NCR1: variants seen among roughly 807,000 people sequenced by gnomAD.
NCR1 encodes the protein natural cytotoxicity triggering receptor 1, also known as NK cell-activating receptor.
In NCR1, 30 loss-of-function variants were observed where a neutral mutation model predicts 32.5. The ratio of observed to expected loss-of-function variants is 0.92; its 90% CI spans 0.69 to 1.25. The LOEUF is 1.25. Among genes scored for constraint, NCR1 ranks in the 50% most tolerant of loss-of-function variants. The probability of loss-of-function intolerance (pLI) is 0.00; values close to 1 mark genes in which losing one functional copy is unlikely to be tolerated. For synonymous variants in NCR1, 169 were observed against 143.4 expected, an observed-to-expected ratio of 1.18 and a Z score of -1.28; for missense variants, 369 against 380.7, an observed-to-expected ratio of 0.97 and a Z score of 0.26.
Position 54,909,531 on chromosome 19 carries a change from A to G in NCR1, c.634+8A>G. ...TGAAGCTCCTGGTCACAGGTGAGGA[A>G]ATGCTCAATTCCCCACACCCTTCGC... On this transcript the variant is annotated splice_region_variant and intron_variant, in intron 4 of 6. Coordinates refer to ENST00000291890, the MANE Select transcript of NCR1 (RefSeq NM_004829.7). 6.3e-7 allele frequency: 1 copy of G among 1,599,790 alleles called. No homozygotes were observed. Among genetic ancestry groups the G allele is most frequent in the Non-Finnish European group, 8.5e-7 (1 of 1,177,710 alleles).
downstream of NCR1, among the ~76,000 whole-genome samples, chr19:54,919,031 A>G (rs1305762523): frequency 2.6e-5 from 4 of 152,038 alleles, no homozygotes; most frequent in Non-Finnish European, 4.4e-5. Flanking sequence ...TCCTGTTAGA[A>G]TAATGGCCTC....
intron 3 of NCR1, among the ~76,000 whole-genome samples, chr19:54,907,991 T>A (rs139123108): frequency 0.056 from 8,525 of 152,134 alleles, 304 homozygotes; most frequent in Middle Eastern, 0.12. Flanking sequence ...CTTTTTTTTT[T>A]AATTTTTTTA....
At chr19:54,900,278 AAG>A in the NCR1 span, among the ~76,000 whole-genome samples, 1 of 152,128 alleles carries the variant, frequency 6.6e-6, no homozygotes, top group Non-Finnish European at 1.5e-5. Context: ...TGAGTCCAGA[AAG>A]AGAGTCAGCA....
the NCR1 span, among the ~76,000 whole-genome samples, chr19:54,926,793 G>A: frequency 2.0e-5 from 3 of 151,746 alleles, no homozygotes; most frequent in South Asian, 6.2e-4. Flanking sequence ...GCGAGCGACT[G>A]TAATCCTAGC....
At chr19:54,908,622 C>T (rs1332512749) in intron 3 of NCR1, among the ~76,000 whole-genome samples, 1 of 151,450 alleles carries the variant, frequency 6.6e-6, no homozygotes, top group Non-Finnish European at 1.5e-5. Flanking sequence ...GGGCTGCCCC[C>T]CAACCTCCCG....
downstream of NCR1, among the ~76,000 whole-genome samples, chr19:54,920,883 C>T (rs2068232332): frequency 2.0e-5 from 3 of 151,708 alleles, no homozygotes; most frequent in Admixed American, 6.6e-5. Flanking sequence ...AGGCGGGTGG[C>T]TCACCTGAGG....
At chr19:54,933,264 T>C in the NCR1 span, among the ~76,000 whole-genome samples, 2 of 151,998 alleles carry the variant, frequency 1.3e-5, no homozygotes, top group Non-Finnish European at 2.9e-5. Context: ...TCCTGTCTCA[T>C]CCTCCCAAGT....
intron 2 of NCR1, 40 bp from the exon 3 acceptor site, chr19:54,906,483 G>A: frequency 6.3e-7 from 1 of 1,599,296 alleles, no homozygotes; most frequent in Non-Finnish European, 8.5e-7. Context: ...GTTGGGGGGA[G>A]GGGGCTCCGC....
intron 5 of NCR1, among the ~76,000 whole-genome samples, chr19:54,911,774 C>G (rs2067988544): frequency 6.6e-6 from 1 of 151,522 alleles, no homozygotes. Flanking sequence ...GGCAGGTCAT[C>G]TGAGGTTGGG....
At chr19:54,912,661 C>T in intron 6 of NCR1, 29 bp from the exon 7 acceptor site, 2 of 1,209,058 alleles carry the variant, frequency 1.7e-6, no homozygotes, top group Non-Finnish European at 2.4e-6. Context: ...ACATCCCTGT[C>T]AGCGATCACC....
At chr19:54,936,227 A>G in the NCR1 span, 362,321 of 1,590,922 alleles carry the variant, frequency 0.23, 42,190 homozygotes, top group African/African-American at 0.31. Flanking sequence ...AGTGGACTCC[A>G]GGTGCTGGGG....
chr19:54,905,221 C>T (rs2146023588), upstream of NCR1, among the ~76,000 whole-genome samples: 1 of 152,250 alleles, frequency 6.6e-6, no homozygotes, highest in East Asian at 1.9e-4. Context: ...ATAAGTGTCC[C>T]CTTTGCTCCA....
the NCR1 span, among the ~76,000 whole-genome samples, chr19:54,926,205 GGTGTGT>G: frequency 2.8e-5 from 4 of 143,744 alleles, no homozygotes; most frequent in East Asian, 4.7e-4. Context: ...AATGATTAGG[GGTGTGT>G]GTGTGTGTGT....
chr19:54,938,064 G>T, the NCR1 span: 1 of 1,613,906 alleles, frequency 6.2e-7, no homozygotes, highest in Non-Finnish European at 8.5e-7. Flanking sequence ...GCAGATGACA[G>T]GTGCTACGGG....
the NCR1 span, among the ~76,000 whole-genome samples, chr19:54,932,842 C>T: frequency 9.9e-5 from 15 of 151,794 alleles, no homozygotes; most frequent in Admixed American, 1.3e-4. Context: ...TTTTTAGTAG[C>T]GATGGGTTTT....
At chr19:54,921,715 T>C in the NCR1 span, among the ~76,000 whole-genome samples, 2 of 138,326 alleles carry the variant, frequency 1.4e-5, no homozygotes, top group African/African-American at 5.5e-5. Flanking sequence ...GAGGTTGTAG[T>C]GAGCCAAGAT....
downstream of NCR1, among the ~76,000 whole-genome samples, chr19:54,917,565 C>T (rs2068161454): frequency 6.6e-6 from 1 of 152,114 alleles, no homozygotes; most frequent in South Asian, 2.1e-4. Flanking sequence ...ATGTGATCCG[C>T]CCACCTTGGC....
chr19:54,925,529 T>C, the NCR1 span, among the ~76,000 whole-genome samples: 5 of 151,886 alleles, frequency 3.3e-5, no homozygotes, highest in African/African-American at 1.2e-4. Flanking sequence ...AAGTGGGCTG[T>C]GCACAGTGGC....
chr19:54,899,651 G>A, the NCR1 span, among the ~76,000 whole-genome samples: 4 of 151,948 alleles, frequency 2.6e-5, no homozygotes, highest in Non-Finnish European at 5.9e-5. Flanking sequence ...AGAAGGGGTT[G>A]GGGGGTTCTT....
Sources: allele counts gnomAD v4.1 joint callset (sites outside exome capture counted in the v4.1 genomes callset), GRCh38; gene constraint gnomAD v4.1.1; transcripts MANE v1.5; gene names NCBI Gene and HGNC (gene_info 2026-07-23, HGNC 2026-07-21).